CEP112: variants seen among roughly 807,000 people sequenced by gnomAD.
CEP112 encodes centrosomal protein of 112 kDa.
Under a neutral mutation model 153.0 loss-of-function variants are expected in CEP112, and 127 were observed. The ratio of observed to expected loss-of-function variants is 0.83; its 90% CI spans 0.72 to 0.96. The LOEUF is 0.96. CEP112 is among the 40% of genes least tolerant of loss of function. The pLI is 0.00. For missense variants in CEP112, 1,089 were observed against 1,101.2 expected, an observed-to-expected ratio of 0.99 and a Z score of 0.16; for synonymous variants, 358 against 374.4, an observed-to-expected ratio of 0.96 and a Z score of 0.51.
At chr17:65,954,406 A>G (rs1321749367) in intron 18 of CEP112, among the ~76,000 whole-genome samples, 1 of 152,140 alleles carries the variant, frequency 6.6e-6, no homozygotes, top group African/African-American at 2.4e-5. Flanking sequence ...CTACCCAAAT[A>G]AGAAGGAACC....
chr17:66,170,128 C>G (rs903855339), intron 4 of CEP112, among the ~76,000 whole-genome samples: 1 of 152,192 alleles, frequency 6.6e-6, no homozygotes, highest in Non-Finnish European at 1.5e-5. Flanking sequence ...TAATGTAATC[C>G]TGGGAATAAT....
intron 20 of CEP112, among the ~76,000 whole-genome samples, chr17:65,886,910 C>T (rs148234218): frequency 3.3e-5 from 5 of 152,180 alleles, no homozygotes; most frequent in East Asian, 3.9e-4. Context: ...CTCAAAAAAA[C>T]GAGCTGGAAT....
chr17:65,945,771 C>T (rs575492070), intron 18 of CEP112, among the ~76,000 whole-genome samples: 6 of 152,146 alleles, frequency 3.9e-5, no homozygotes, highest in East Asian at 1.9e-4. Flanking sequence ...CTCAGCCTCC[C>T]GAGTAGCTGG....
intron 17 of CEP112, among the ~76,000 whole-genome samples, chr17:65,974,363 G>A (rs778408722): frequency 6.6e-6 from 1 of 152,018 alleles, no homozygotes; most frequent in Non-Finnish European, 1.5e-5. Flanking sequence ...AGGTGTGAGC[G>A]ACTGTGCCCA....
At chr17:65,784,813 A>G (rs921788302) in intron 21 of CEP112, among the ~76,000 whole-genome samples, 2 of 152,192 alleles carry the variant, frequency 1.3e-5, no homozygotes, top group African/African-American at 4.8e-5. Context: ...GTAGTAAGAT[A>G]TAATTCACAT....
At chr17:66,058,032 G>A (rs1385335139) in intron 11 of CEP112, among the ~76,000 whole-genome samples, 1 of 151,758 alleles carries the variant, frequency 6.6e-6, no homozygotes, top group African/African-American at 2.4e-5. Flanking sequence ...GGCAAAGGTT[G>A]CAGTGAGCTA....
At chr17:66,126,632 A>G (rs771241928) in intron 6 of CEP112, among the ~76,000 whole-genome samples, 5 of 152,222 alleles carry the variant, frequency 3.3e-5, no homozygotes, top group Non-Finnish European at 4.4e-5. Flanking sequence ...TATCATTGCT[A>G]GTTTTTAATA....
At chr17:65,889,979 T>C (rs2059407092) in intron 20 of CEP112, among the ~76,000 whole-genome samples, 2 of 152,178 alleles carry the variant, frequency 1.3e-5, no homozygotes, top group African/African-American at 4.8e-5. Context: ...CTAAACTTTT[T>C]TGAGACACTC....
chr17:65,742,531 A>G (rs1165640453), intron 23 of CEP112, among the ~76,000 whole-genome samples: 1 of 152,186 alleles, frequency 6.6e-6, no homozygotes. Context: ...TTCTGGTGCT[A>G]TTAAGGGTGT....
intron 24 of CEP112, among the ~76,000 whole-genome samples, chr17:65,678,996 T>C (rs926015796): frequency 1.3e-5 from 2 of 152,038 alleles, no homozygotes; most frequent in African/African-American, 4.8e-5. Context: ...TTAGTGAGGG[T>C]TTTGGGTACA....
intron 18 of CEP112, among the ~76,000 whole-genome samples, chr17:65,953,950 T>TTAAGCCG (rs1250460675): frequency 3.3e-5 from 5 of 152,138 alleles, no homozygotes; most frequent in Admixed American, 2.6e-4. Flanking sequence ...AACTGAATAC[T>TTAAGCCG]TAAGCCGGTG....
intron 23 of CEP112, among the ~76,000 whole-genome samples, chr17:65,697,781 G>T (rs970450938): frequency 2.0e-5 from 3 of 152,066 alleles, no homozygotes; most frequent in African/African-American, 7.2e-5. Context: ...TGCCACTCAA[G>T]ATTTCTTTTA....
At chr17:65,872,320 G>A (rs2058692195) in intron 20 of CEP112, among the ~76,000 whole-genome samples, 1 of 151,792 alleles carries the variant, frequency 6.6e-6, no homozygotes, top group Non-Finnish European at 1.5e-5. Context: ...ATAAAAACTG[G>A]CCAATAGACA....
chr17:65,953,657 G>A (rs1367857806), intron 18 of CEP112, among the ~76,000 whole-genome samples: 2 of 116,138 alleles, frequency 1.7e-5, no homozygotes, highest in Non-Finnish European at 3.6e-5. Context: ...GGGCTGTGTG[G>A]GAGCAGGGTG....
intron 12 of CEP112, among the ~76,000 whole-genome samples, chr17:66,039,761 A>G (rs1244584634): frequency 2.6e-5 from 4 of 152,270 alleles, no homozygotes; most frequent in Middle Eastern, 6.8e-3. Flanking sequence ...CCCAAAGGTA[A>G]CCACTATTTT....
In CEP112 at chr17:66,010,996, T is replaced by TC. The variant is rs1462098422; in HGVS notation, c.1657-5228dup. 2.6e-5 allele frequency among the ~76,000 whole-genome samples: 4 copies of TC among 152,226 alleles called. No homozygotes were observed. In the East Asian group the frequency reaches 7.7e-4, roughly 29 times the overall value. ...ACAGGATGAGTTAAGGAGGAGTCCC[T>TC]CCTCCTCAATTTTTTGGAACAGCTT... On this transcript the variant is annotated intron_variant, in intron 16 of 26. Transcript: ENST00000535342.
At chr17:66,123,936 C>T (rs1158178044) in intron 6 of CEP112, among the ~76,000 whole-genome samples, 1 of 152,024 alleles carries the variant, frequency 6.6e-6, no homozygotes, top group Non-Finnish European at 1.5e-5. Context: ...TGAAAAATGG[C>T]GATGCTTGTT....
rs568301173 is a variant in CEP112, at chr17:66,191,929, G to T, written c.-9+68C>A. On this transcript the variant is annotated intron_variant, in intron 1 of 26. Transcript: ENST00000535342. This position sits in a 1 kb window ranked among gnomAD's most constrained non-coding sequence, Gnocchi z 4.2. ...CCGCAAGGGCGGGGCGGCAGCCACC[G>T]GCGCAAAATTCCACTCAAGAACCTG... 642 of 152,498 alleles carry T rather than the reference G, an allele frequency of 4.2e-3. 5 individuals carry two copies. Among genetic ancestry groups the T allele is most frequent in the Non-Finnish European group, 7.7e-3 (521 of 68,090 alleles). 9.4% of individuals were successfully genotyped at this position (152,498 alleles called of 1,614,324 possible).
chr17:65,738,002 C>T (rs1011748840), intron 23 of CEP112, among the ~76,000 whole-genome samples: 2 of 152,176 alleles, frequency 1.3e-5, no homozygotes, highest in African/African-American at 2.4e-5. Context: ...GCTCGATGAG[C>T]CGTGTTTACA....
Sources: allele counts gnomAD v4.1 joint callset (sites outside exome capture counted in the v4.1 genomes callset), GRCh38; gene constraint gnomAD v4.1.1; non-coding constraint Gnocchi (gnomAD v3.1); transcripts MANE v1.5; gene names NCBI Gene and HGNC (gene_info 2026-07-23, HGNC 2026-07-21).